The following RAD51B variants were observed in gnomAD, a reference collection of about 807,000 sequenced individuals.
The protein encoded by RAD51B is RAD51 paralog B.
Under a neutral mutation model 42.2 loss-of-function variants are expected in RAD51B, and 38 were observed. That is an observed-to-expected ratio of 0.90 (90% CI 0.70 to 1.18). The LOEUF is 1.18. Ranked by LOEUF, RAD51B falls within the 50% of genes most tolerant of loss-of-function variation. RAD51B has a pLI of 0.00. For synonymous variants in RAD51B, 154 were observed against 145.2 expected (o/e 1.06, Z -0.43); for missense variants, 373 against 400.7 (o/e 0.93, Z 0.59).
At chr14:68,603,399 AGGGATGGGT>A (rs1172578795) in intron 10 of RAD51B, among the ~76,000 whole-genome samples, 1 of 152,198 alleles carries the variant, frequency 6.6e-6, no homozygotes, top group African/African-American at 2.4e-5. Flanking sequence ...AGTGGTCTGT[AGGGATGGGT>A]GGCTTCTATG....
At chr14:68,049,080 C>T (rs1467839067) in intron 7 of RAD51B, among the ~76,000 whole-genome samples, 3 of 151,938 alleles carry the variant, frequency 2.0e-5, no homozygotes, top group Non-Finnish European at 2.9e-5. Context: ...AAGCTGGAAA[C>T]CATCATTCTC....
At chr14:67,863,379 T>C (rs2139984740) in intron 4 of RAD51B, among the ~76,000 whole-genome samples, 1 of 152,218 alleles carries the variant, frequency 6.6e-6, no homozygotes, top group African/African-American at 2.4e-5. Flanking sequence ...CCTGGGAACT[T>C]ACTAGCGATG....
intron 10 of RAD51B, among the ~76,000 whole-genome samples, chr14:68,566,513 G>T (rs7153476): frequency 0.47 from 70,742 of 151,972 alleles, 17,099 homozygotes; most frequent in African/African-American, 0.55. Flanking sequence ...TCATTCAAAT[G>T]GTGACCTTGA....
chr14:68,468,276 C>A, intron 10 of RAD51B, 26 bp downstream of exon 10: 1 of 1,590,290 alleles, frequency 6.3e-7, no homozygotes, highest in Middle Eastern at 1.7e-4. Flanking sequence ...TAAGCCATTT[C>A]TTTAAGCTTA....
intron 9 of RAD51B, among the ~76,000 whole-genome samples, chr14:68,448,821 T>G (rs1425813769): frequency 6.6e-6 from 1 of 152,068 alleles, no homozygotes; most frequent in Non-Finnish European, 1.5e-5. Context: ...TGACTTTCCA[T>G]GTATAAGAGA....
At chr14:68,203,996 C>G (rs1370824144) in intron 7 of RAD51B, among the ~76,000 whole-genome samples, 1 of 152,224 alleles carries the variant, frequency 6.6e-6, no homozygotes, top group East Asian at 1.9e-4. Flanking sequence ...CTAAAATTCT[C>G]CCTATGAGCA....
downstream of RAD51B, among the ~76,000 whole-genome samples, chr14:68,479,232 A>G (rs948972395): frequency 6.6e-6 from 1 of 152,218 alleles, no homozygotes. Flanking sequence ...ATCAGGAAAT[A>G]TACATTTCCT....
chr14:68,186,998 A>G (rs1183760761), intron 7 of RAD51B, among the ~76,000 whole-genome samples: 1 of 152,254 alleles, frequency 6.6e-6, no homozygotes, highest in African/African-American at 2.4e-5. Flanking sequence ...AATATGGTAC[A>G]TATAGACCAT....
intron 9 of RAD51B, among the ~76,000 whole-genome samples, chr14:68,459,592 C>T (rs1426086998): frequency 6.6e-6 from 1 of 152,134 alleles, no homozygotes; most frequent in Non-Finnish European, 1.5e-5. Context: ...CAAGGAAATC[C>T]CCACTGAATT....
At chr14:68,455,391 G>C (rs998045632) in intron 9 of RAD51B, among the ~76,000 whole-genome samples, 7 of 152,166 alleles carry the variant, frequency 4.6e-5, no homozygotes, top group African/African-American at 1.7e-4. Flanking sequence ...GAAATGAAAG[G>C]ACACTAGAGA....
intron 10 of RAD51B, among the ~76,000 whole-genome samples, chr14:68,543,682 C>T (rs571078029): frequency 6.6e-6 from 1 of 152,332 alleles, no homozygotes. Flanking sequence ...TGGCCCACAG[C>T]TTCGATGAGA....
Position 68,221,142 on chromosome 14 carries a change from A to G in RAD51B, c.757-70742A>G, listed in dbSNP as rs527953735. The stretch of plus-strand genomic sequence containing the variant: ...CTGCCAAAAGCCCTCTGCAAATTAA[A>G]TGCAATTCCCATTAAAATACCACCA... On this transcript the variant is annotated intron_variant, in intron 7 of 10. Coordinates refer to ENST00000471583, the MANE Select transcript of RAD51B (RefSeq NM_133510.4). 3.3e-5 allele frequency among the ~76,000 whole-genome samples: 5 copies of G among 152,258 alleles called. No individual in the cohort carries two copies. In the East Asian group the frequency reaches 5.8e-4, roughly 18 times the overall value.
chr14:67,952,731 A>G (rs1221399332), intron 7 of RAD51B, among the ~76,000 whole-genome samples: 1 of 152,150 alleles, frequency 6.6e-6, no homozygotes, highest in Non-Finnish European at 1.5e-5. Context: ...GAAGAGGGAA[A>G]GAAGCTCTTT....
At chr14:68,028,162 G>A (rs763440715) in intron 7 of RAD51B, among the ~76,000 whole-genome samples, 10 of 152,186 alleles carry the variant, frequency 6.6e-5, no homozygotes, top group Non-Finnish European at 1.3e-4. Flanking sequence ...ATGATCAGTA[G>A]CTAGGCTTTT....
chr14:68,577,905 A>C (rs147485603), intron 10 of RAD51B, among the ~76,000 whole-genome samples: 2 of 152,346 alleles, frequency 1.3e-5, no homozygotes, highest in Non-Finnish European at 1.5e-5. Flanking sequence ...GGTTCAAATC[A>C]GGGAGAATGG....
intron 7 of RAD51B, among the ~76,000 whole-genome samples, chr14:67,988,694 G>A (rs2075237804): frequency 1.3e-5 from 2 of 152,124 alleles, no homozygotes; most frequent in Admixed American, 1.3e-4. Context: ...TCACTGAATT[G>A]TGTGAATTAA....
intron 7 of RAD51B, among the ~76,000 whole-genome samples, chr14:67,964,754 A>C (rs2074737351): frequency 6.6e-6 from 1 of 152,158 alleles, no homozygotes; most frequent in Non-Finnish European, 1.5e-5. Flanking sequence ...TGACTTGATT[A>C]TTGGAATGTG....
At chr14:67,940,734 A>G (rs765162835) in intron 7 of RAD51B, among the ~76,000 whole-genome samples, 8 of 152,112 alleles carry the variant, frequency 5.3e-5, no homozygotes, top group Non-Finnish European at 8.8e-5. Context: ...AAATCTTTGC[A>G]GAGTTTCCCA....
intron 8 of RAD51B, among the ~76,000 whole-genome samples, chr14:68,321,212 G>T (rs1383123293): frequency 1.3e-5 from 2 of 152,108 alleles, no homozygotes; most frequent in Non-Finnish European, 2.9e-5. Context: ...GAGGTATAAT[G>T]TTATGATCTT....
Sources: allele counts gnomAD v4.1 joint callset (sites outside exome capture counted in the v4.1 genomes callset), GRCh38; gene constraint gnomAD v4.1.1; transcripts MANE v1.5; gene names NCBI Gene and HGNC (gene_info 2026-07-23, HGNC 2026-07-21).